Variants in SNRPB observed in about 807,000 individuals in gnomAD.
SNRPB encodes the protein small nuclear ribonucleoprotein-associated proteins B and B'.
In SNRPB, 5 loss-of-function variants were observed where a neutral mutation model predicts 26.6. The observed-to-expected ratio is 0.19, with a 90% confidence interval of 0.10 to 0.39. The LOEUF (loss-of-function observed/expected upper bound fraction) is 0.39. Ranked by LOEUF, SNRPB falls within the 10% of genes least tolerant of loss-of-function variation. SNRPB has a pLI of 1.00. For missense variants in SNRPB, 211 were observed against 311.9 expected, an observed-to-expected ratio of 0.68 and a Z score of 2.44; for synonymous variants, 122 against 105.8, an observed-to-expected ratio of 1.15 and a Z score of -0.94.
intron 1 of SNRPB, among the ~76,000 whole-genome samples, chr20:2,469,040 C>T (rs933894407): frequency 1.3e-5 from 2 of 152,240 alleles, no homozygotes; most frequent in Non-Finnish European, 2.9e-5. Context: ...CACAAGGGAT[C>T]TGAACCTTTA....
At chr20:2,465,890 A>G in intron 2 of SNRPB, 71 bp from the exon 3 acceptor site, 1 of 1,129,162 alleles carries the variant, frequency 8.9e-7, no homozygotes, top group Non-Finnish European at 1.3e-6. Flanking sequence ...AGTGGCCTCC[A>G]AGATTTGCTT....
intron 2 of SNRPB, among the ~76,000 whole-genome samples, chr20:2,466,535 A>G (rs2085075044): frequency 6.6e-6 from 1 of 152,200 alleles, no homozygotes; most frequent in Non-Finnish European, 1.5e-5. Context: ...TTAAAAAAAG[A>G]ACTCAAAAGA....
chr20:2,469,343 A>C lies in SNRPB; in HGVS notation c.3+1345T>G, dbSNP rs2085097090. Among the ~76,000 whole-genome samples, 4 of 152,210 alleles carry C rather than the reference A, an allele frequency of 2.6e-5. No homozygotes were observed. In the South Asian group the frequency reaches 8.3e-4, roughly 32 times the overall value. On this transcript the variant is annotated intron_variant, in intron 1 of 6. Transcript: ENST00000381342. ...TCCAGTCCCATCGAATATACATGCCAGAGCTAGAGCAATCTTTCTAAACAC... is the reference window on the plus strand; with the variant it reads ...TCCAGTCCCATCGAATATACATGCCCGAGCTAGAGCAATCTTTCTAAACAC...
chr20:2,467,001 A>C (rs1198621795), intron 2 of SNRPB, among the ~76,000 whole-genome samples: 1 of 152,258 alleles, frequency 6.6e-6, no homozygotes, highest in Non-Finnish European at 1.5e-5. Flanking sequence ...GTAGCCTTGA[A>C]TGTAAAACAT....
In SNRPB at chr20:2,470,379, T is replaced by C. The variant is rs1295158063; in HGVS notation, c.3+309A>G. Among the ~76,000 whole-genome samples, 3 of 152,264 alleles carry C rather than the reference T, an allele frequency of 2.0e-5. No homozygotes were observed. In the East Asian group the frequency reaches 5.8e-4, roughly 29 times the overall value. On this transcript the variant is annotated intron_variant, in intron 1 of 6. Transcript: ENST00000381342. ...TCCGAAGCCCGGGACATATATTTATTCGGCAAAAGTTAACTTAGTGCCTAC... is the reference window on the plus strand; with the variant it reads ...TCCGAAGCCCGGGACATATATTTATCCGGCAAAAGTTAACTTAGTGCCTAC...
At chr20:2,468,484 T>A (rs548275919) in intron 1 of SNRPB, among the ~76,000 whole-genome samples, 1 of 152,346 alleles carries the variant, frequency 6.6e-6, no homozygotes, top group South Asian at 2.1e-4. Context: ...TATAAACAAA[T>A]CACCTGGCAT....
At position 2,461,646 on chromosome 20, in the gene SNRPB, GTTCTC is replaced by G. The variant is rs1272749094; in HGVS notation, c.*278_*282del. The G allele has an allele frequency of 1.0e-5, 7 of 688,896 alleles. No homozygotes were observed. In the African/African-American group the frequency reaches 1.3e-4, roughly 13 times the overall value. 42.7% of individuals were successfully genotyped at this position (688,896 alleles called of 1,614,324 possible). A position where few individuals can be genotyped will look rare whatever the true frequency, so the allele number is the denominator to read the frequency against. Reference sequence around the variant, plus strand: ...AAAGATCCATAGGTGCAATTATAATGTTCTCTTAAGAGTTTATTATAAACCAGTTT... The same window carrying G: ...AAAGATCCATAGGTGCAATTATAATGTTAAGAGTTTATTATAAACCAGTTT... On this transcript the variant is annotated 3_prime_UTR_variant, in exon 7 of 7. Transcript: ENST00000381342.
Position 2,465,588 on chromosome 20 carries a change from T to G in SNRPB, c.267+120A>C, listed in dbSNP as rs111630250. Reference sequence around the variant, plus strand: ...CCTCTTTAAGATTTCATTTATTATCTGAAAAAGGGGGCAAAATCCAGAGGA... The same window carrying G: ...CCTCTTTAAGATTTCATTTATTATCGGAAAAAGGGGGCAAAATCCAGAGGA... On this transcript the variant is annotated intron_variant, in intron 3 of 6. Transcript: ENST00000381342. The G allele has an allele frequency of 2.9e-4, 203 of 693,564 alleles. 2 individuals are homozygous for G. The African/African-American group carries it at 3.3e-3, about 11-fold the overall frequency. 43.0% of individuals were successfully genotyped at this position (693,564 alleles called of 1,614,324 possible). A position where few individuals can be genotyped will look rare whatever the true frequency, so the allele number is the denominator to read the frequency against.
intron 3 of SNRPB, among the ~76,000 whole-genome samples, chr20:2,464,602 T>C (rs2085058960): frequency 6.6e-6 from 1 of 152,176 alleles, no homozygotes; most frequent in Admixed American, 6.5e-5. Context: ...TAACATTAAG[T>C]GAAAACACAG....
At chr20:2,467,850 A>G in intron 1 of SNRPB, 92 bp from the exon 2 acceptor site, 1 of 1,225,408 alleles carries the variant, frequency 8.2e-7, no homozygotes, top group Non-Finnish European at 1.2e-6. Context: ...GTTCTTGTCC[A>G]TGTGTCCAAC....
intron 2 of SNRPB, chr20:2,467,277 C>T (rs991154629): frequency 2.0e-6 from 1 of 488,366 alleles, no homozygotes; most frequent in Non-Finnish European, 4.0e-6. Flanking sequence ...TACAAATAGG[C>T]AATGAGGCCA....
Position 2,463,044 on chromosome 20 carries a change from G to C in SNRPB, c.559+45C>G. On this transcript the variant is annotated intron_variant, in intron 5 of 6. Coordinates refer to ENST00000381342, the MANE Select transcript of SNRPB (RefSeq NM_003091.4). This position sits in a 1 kb window ranked among gnomAD's most constrained non-coding sequence, Gnocchi z 5.0. ...TATATCTCATCATTAATCCAGCTAA[G>C]GCATCTTCTATCAATTAGCACTGGT... 6.8e-7 allele frequency: 1 copy of C among 1,477,912 alleles called. No individual in the cohort carries two copies. Among genetic ancestry groups the C allele is most frequent in the African/African-American group, 1.4e-5 (1 of 70,922 alleles). 91.5% of individuals were successfully genotyped at this position (1,477,912 alleles called of 1,614,324 possible).
intron 2 of SNRPB, among the ~76,000 whole-genome samples, chr20:2,466,923 A>C (rs937031343): frequency 4.6e-5 from 7 of 152,216 alleles, no homozygotes; most frequent in Non-Finnish European, 8.8e-5. Flanking sequence ...GTGACAGAAT[A>C]ATATGGACAC....
In SNRPB at chr20:2,462,673, G is replaced by C. The variant is rs755832870; in HGVS notation, c.648C>G (p.Pro216=). ...GGGGAGGAGGCCGCATTCCCGGAGG[G>C]GGCATGCCCATTGGAGTCCCTCTTC... ...PPGRGTPMGM[P]PPGMRPPPPG... The change falls in exon 6 of 7, where the codon CCC becomes CCG. Residue 216 remains proline (P), a synonymous_variant. Coordinates refer to ENST00000381342, the MANE Select transcript of SNRPB (RefSeq NM_003091.4). 38 of 1,611,566 alleles carry C rather than the reference G, an allele frequency of 2.4e-5. No individual in the cohort carries two copies. The highest frequency in any genetic ancestry group is 3.2e-5 in the Non-Finnish European group (38 of 1,178,004).
intron 5 of SNRPB, among the ~76,000 whole-genome samples, 163 bp from the exon 6 acceptor site, chr20:2,462,924 T>C (rs1241301509): frequency 2.0e-5 from 3 of 152,254 alleles, no homozygotes; most frequent in Admixed American, 1.3e-4. Flanking sequence ...GGGCTCCCAA[T>C]GGCTCTTGTC....
chr20:2,467,506 AGAG>A, intron 2 of SNRPB, 98 bp downstream of exon 2: 2 of 1,113,260 alleles, frequency 1.8e-6, no homozygotes, highest in Middle Eastern at 2.4e-4. Flanking sequence ...GAGAATAAAC[AGAG>A]AAGAACCAAC....
At chr20:2,465,040 T>G (rs1300076432) in intron 3 of SNRPB, among the ~76,000 whole-genome samples, 1 of 152,238 alleles carries the variant, frequency 6.6e-6, no homozygotes, top group African/African-American at 2.4e-5. Flanking sequence ...TGTGGCACCT[T>G]GGGCAAGTTA....
chr20:2,467,545 T>C, intron 2 of SNRPB, 62 bp downstream of exon 2: 2 of 1,518,732 alleles, frequency 1.3e-6, no homozygotes, highest in Non-Finnish European at 1.8e-6. Context: ...CTCTATTGCT[T>C]GGCCCACCCA....
rs368499497 is a variant in SNRPB at position 2,463,767 on chromosome 20, C to T, written c.400G>A (p.Val134Ile). The T allele has an allele frequency of 4.3e-5, 69 of 1,595,504 alleles. No individual in the cohort carries two copies. The highest frequency in any genetic ancestry group is 5.4e-5 in the Non-Finnish European group (63 of 1,173,666). ...CTCACCTGTTGGGATGGCCCGCCAACCCCACGGACTGGCCCAGCAAGTCCT... is the reference window on the plus strand; with the variant it reads ...CTCACCTGTTGGGATGGCCCGCCAATCCCACGGACTGGCCCAGCAAGTCCT... ...PAGLAGPVRG[V>I]GGPSQQVMTP... is the part of the protein sequence containing the mutation. Residue 134 changes from valine (V) to isoleucine (I), a missense_variant, in exon 4 of 7, where the codon GTT (valine) becomes ATT (isoleucine). Transcript: ENST00000381342. The surrounding 1 kb of genome is among the most constrained non-coding windows in gnomAD (Gnocchi z 5.0).
Sources: gnomAD v4.1 joint callset for allele counts (sites outside exome capture counted in the v4.1 genomes callset) on GRCh38, gnomAD v4.1.1 for gene constraint, Gnocchi (gnomAD v3.1) non-coding constraint, MANE v1.5 for transcripts, NCBI Gene and HGNC (gene_info 2026-07-23, HGNC 2026-07-21) for gene names.